Variants in ST14 observed in about 807,000 individuals in gnomAD.
ST14 encodes ST14 transmembrane serine protease matriptase.
Under a neutral mutation model 96.5 loss-of-function variants are expected in ST14, and 40 were observed. The ratio of observed to expected loss-of-function variants is 0.41; its 90% confidence interval spans 0.32 to 0.54. The LOEUF (loss-of-function observed/expected upper bound fraction) is 0.54. ST14 is among the 20% of genes least tolerant of loss of function. The pLI, the probability that ST14 is intolerant of heterozygous loss-of-function variation, is 0.17. For synonymous variants in ST14, 506 were observed against 492.1 expected (o/e 1.03, Z -0.37); for missense variants, 1,066 against 1,188.9 (o/e 0.90, Z 1.52).
At chr11:130,203,810 G>T (rs1268526359) in intron 16 of ST14, among the ~76,000 whole-genome samples, 1 of 152,096 alleles carries the variant, frequency 6.6e-6, no homozygotes, top group Non-Finnish European at 1.5e-5. Flanking sequence ...GCGCCACCGT[G>T]CCCGGCTAAT....
rs916282036 is a variant in ST14, at chr11:130,159,900, C to T, written c.-80C>T. 9 of 892,004 alleles carry T rather than the reference C, an allele frequency of 1.0e-5. No individual in the cohort carries two copies. In the African/African-American group the frequency reaches 1.6e-4, roughly 16 times the overall value. 55.3% of individuals were successfully genotyped at this position (892,004 alleles called of 1,614,324 possible). A position where few individuals can be genotyped will look rare whatever the true frequency, so the allele number is the denominator to read the frequency against. ...CCGGAATCCCGCCGCCTGCGCCCCG[C>T]GCCCCGCGCCCTGCGGGCCATGGGA... On this transcript the variant is annotated 5_prime_UTR_variant, in exon 1 of 19. Coordinates refer to ENST00000278742, the MANE Select transcript of ST14 (RefSeq NM_021978.4).
intron 1 of ST14, among the ~76,000 whole-genome samples, chr11:130,167,404 G>T (rs1293612628): frequency 3.3e-5 from 5 of 152,106 alleles, no homozygotes; most frequent in Admixed American, 2.6e-4. Context: ...CCCTCTCCCA[G>T]ATTTTAGAGC....
chr11:130,197,656 T>TAGCTGCGGGTGCAGGAACCCCTTTGTC (rs1485972250), intron 11 of ST14, among the ~76,000 whole-genome samples, 185 bp from the exon 12 acceptor site: 3 of 152,246 alleles, frequency 2.0e-5, no homozygotes, highest in Non-Finnish European at 4.4e-5. Context: ...CTTCCCACAC[T>TAGCTGCGGGTGCAGGAACCCCTTTGTC]AGCTGCGGGT....
rs182731039 is a variant in ST14, at chr11:130,160,837, G to T, written c.81+777G>T. ...CCCACCTAGGTGGTAGTGCCCGGGC[G>T]GGACCAGCAGCCAGGTCTCTACCCT... On this transcript the variant is annotated intron_variant, in intron 1 of 18. Transcript: ENST00000278742. Among the ~76,000 whole-genome samples, 3 of 152,260 alleles carry T rather than the reference G, an allele frequency of 2.0e-5. No individual in the cohort carries two copies. The East Asian group carries it at 5.8e-4, about 29-fold the overall frequency.
chr11:130,189,855 G>T lies in ST14; in HGVS notation c.557G>T (p.Arg186Leu), dbSNP rs532856272. The T allele has an allele frequency of 1.1e-5, 18 of 1,613,834 alleles. No individual in the cohort carries two copies. The East Asian group carries it at 3.3e-4, about 30-fold the overall frequency. ...ERVVMLPPRARSLKSFVVTSV... is the reference protein window; with the variant it reads ...ERVVMLPPRALSLKSFVVTSV... The stretch of plus-strand genomic sequence containing the variant: ...GTAGTCATGCTGCCCCCGCGGGCGC[G>T]CTCCCTGAAGTCCTTTGTGGTCACC... The change falls in exon 5 of 19, where the codon CGC (arginine) becomes CTC (leucine). Residue 186 changes from arginine (R) to leucine (L), a missense_variant. Transcript: ENST00000278742.
At position 130,194,294 on chromosome 11, in the gene ST14, G is replaced by A; in HGVS notation, c.1015+6G>A. The A allele has an allele frequency of 1.2e-6, 2 of 1,614,186 alleles. No homozygotes were observed. The highest frequency in any genetic ancestry group is 1.7e-6 in the Non-Finnish European group (2 of 1,180,038). On this transcript the variant is annotated splice_donor_region_variant and intron_variant, in intron 8 of 18. Coordinates refer to ENST00000278742, the MANE Select transcript of ST14 (RefSeq NM_021978.4). ...CCAGCTGCCTAGGATGAGCAGTAAG[G>A]AAGGGCAGGGCAGGGCGGGACTGCC...
chr11:130,201,770 G>A (rs1953431157), intron 16 of ST14, among the ~76,000 whole-genome samples: 1 of 152,242 alleles, frequency 6.6e-6, no homozygotes, highest in Non-Finnish European at 1.5e-5. Context: ...TAGAGACAGA[G>A]CCTTGCTAAG....
intron 1 of ST14, among the ~76,000 whole-genome samples, chr11:130,174,387 A>T (rs1349782998): frequency 1.3e-5 from 2 of 152,166 alleles, no homozygotes; most frequent in Non-Finnish European, 2.9e-5. Flanking sequence ...AGGAAAATTT[A>T]TCAAAAACCC....
intron 16 of ST14, among the ~76,000 whole-genome samples, chr11:130,203,979 G>T (rs1312925332): frequency 6.6e-6 from 1 of 152,096 alleles, no homozygotes; most frequent in African/African-American, 2.4e-5. Context: ...TAAACATGCG[G>T]CATTCTCCAC....
chr11:130,170,402 G>GGGTGGA (rs1287779374), intron 1 of ST14, among the ~76,000 whole-genome samples: 1 of 152,160 alleles, frequency 6.6e-6, no homozygotes, highest in East Asian at 1.9e-4. Context: ...GCAAGGTTGA[G>GGGTGGA]GGTGGAGGGG....
chr11:130,193,165 T>C (rs1222199001), intron 7 of ST14, among the ~76,000 whole-genome samples: 1 of 151,550 alleles, frequency 6.6e-6, no homozygotes, highest in African/African-American at 2.4e-5. Flanking sequence ...CATAGCTCAC[T>C]GTAACCTTGA....
chr11:130,208,111 G>T (rs1953507614), intron 16 of ST14, among the ~76,000 whole-genome samples: 2 of 152,232 alleles, frequency 1.3e-5, no homozygotes, highest in Non-Finnish European at 2.9e-5. Flanking sequence ...TGGATTGATT[G>T]TTCTGTTATT....
At chr11:130,203,811 C>T (rs891061140) in intron 16 of ST14, among the ~76,000 whole-genome samples, 3 of 152,170 alleles carry the variant, frequency 2.0e-5, no homozygotes, top group Non-Finnish European at 4.4e-5. Flanking sequence ...CGCCACCGTG[C>T]CCGGCTAATT....
chr11:130,194,362 G>C (rs1287447182), intron 8 of ST14, 74 bp downstream of exon 8: 1 of 1,589,262 alleles, frequency 6.3e-7, no homozygotes, highest in Non-Finnish European at 8.6e-7. Flanking sequence ...GGGGTGACCT[G>C]AGCTTAGGAG....
rs766529997 is a variant in ST14 at position 130,189,808 on chromosome 11, G to A, written c.510G>A (p.Glu170=). 3.7e-6 allele frequency: 6 copies of A among 1,613,916 alleles called. No individual in the cohort carries two copies. The highest frequency in any genetic ancestry group is 4.2e-6 in the Non-Finnish European group (5 of 1,179,954). Residue 170 remains glutamate, a synonymous_variant, in exon 5 of 19, where the codon GAG becomes GAA. Coordinates refer to ENST00000278742, the MANE Select transcript of ST14 (RefSeq NM_021978.4). ...CGCAGCACCTGGTGGAGGAGGCCGA[G>A]CGCGTCATGGCCGAGGAGCGCGTAG... is the stretch of plus-strand genomic sequence containing the variant. ...SIPQHLVEEA[E]RVMAEERVVM...
Position 130,208,440 on chromosome 11 carries a change from C to G in ST14, c.2025C>G (p.Phe675Leu). ...CAGACCCCACGCAGTGGACGGCCTT[C>G]CTGGGCTTGCACGACCAGAGCCAGC... Reference protein sequence around the residue: ...RYSDPTQWTAFLGLHDQSQRS... With the variant: ...RYSDPTQWTALLGLHDQSQRS... The change falls in exon 17 of 19, where the codon TTC becomes TTG. Residue 675 changes from phenylalanine (F) to leucine (L), a missense_variant. By Grantham distance (22) the Phe-to-Leu change is conservative. Transcript: ENST00000278742. 1 of 1,614,154 alleles carries G rather than the reference C, an allele frequency of 6.2e-7. No individual in the cohort carries two copies. The highest frequency in any genetic ancestry group is 1.7e-5 in the Admixed American group (1 of 60,032).
rs643050 is a variant in ST14, at chr11:130,188,939, G to C, written c.440G>C (p.Ser147Thr). 6.2e-7 allele frequency: 1 copy of C among 1,608,806 alleles called. No individual in the cohort carries two copies. The highest frequency in any genetic ancestry group is 1.1e-5 in the South Asian group (1 of 89,608). ...AAGGAGTCGGCTGTGACGGCCTTCAGGTGGGTGTGGAGAGAAGGCTCAGTG... is the reference window on the plus strand; with the variant it reads ...AAGGAGTCGGCTGTGACGGCCTTCACGTGGGTGTGGAGAGAAGGCTCAGTG... ...YHKESAVTAFSEGSVIAYYWS... is the reference protein window; with the variant it reads ...YHKESAVTAFTEGSVIAYYWS... The change falls in exon 4 of 19, where the codon AGC (serine) becomes ACC (threonine). Residue 147 changes from serine to threonine, a missense_variant and splice_region_variant. Physicochemically the swap from Ser to Thr is moderately conservative, Grantham distance 58. Transcript: ENST00000278742. The surrounding 1 kb of genome is among the most constrained non-coding windows in gnomAD (Gnocchi z 5.4).
In ST14 at chr11:130,198,530, G is replaced by T. The variant is rs1314562692; in HGVS notation, c.1593G>T (p.Arg531Ser). 3.1e-6 allele frequency: 5 copies of T among 1,613,986 alleles called. No homozygotes were observed. Among genetic ancestry groups the T allele is most frequent in the African/African-American group, 1.3e-5 (1 of 74,934 alleles). ...CAGGTTGTCCGGCCCAGACCTTCAGGTGTTCCAATGGGAAGTGCCTCTCGA... is the reference window on the plus strand; with the variant it reads ...CAGGTTGTCCGGCCCAGACCTTCAGTTGTTCCAATGGGAAGTGCCTCTCGA... ...QGCSCPAQTFRCSNGKCLSKS... is the reference protein window; with the variant it reads ...QGCSCPAQTFSCSNGKCLSKS... Residue 531 changes from arginine (R) to serine (S), a missense_variant, in exon 14 of 19, where the codon AGG becomes AGT. By Grantham distance (110) the Arg-to-Ser change is moderately radical. Transcript: ENST00000278742.
chr11:130,162,885 A>T (rs1327276059), intron 1 of ST14, among the ~76,000 whole-genome samples: 1 of 152,204 alleles, frequency 6.6e-6, no homozygotes, highest in African/African-American at 2.4e-5. Context: ...AGGAGGTAAC[A>T]TGCAGCCAAG....
Sources: allele counts gnomAD v4.1 joint callset (sites outside exome capture counted in the v4.1 genomes callset), GRCh38; gene constraint gnomAD v4.1.1; non-coding constraint Gnocchi (gnomAD v3.1); transcripts MANE v1.5; gene names NCBI Gene and HGNC (gene_info 2026-07-23, HGNC 2026-07-21).